The following GCSAML variants were observed in gnomAD, a reference collection of about 807,000 sequenced individuals.
The protein encoded by GCSAML is germinal center associated signaling and motility like.
In GCSAML, 9 loss-of-function variants were observed where a neutral mutation model predicts 13.0. The ratio of observed to expected loss-of-function variants is 0.69; its 90% CI spans 0.42 to 1.21. The LOEUF (loss-of-function observed/expected upper bound fraction) is 1.21. GCSAML is among the 50% of genes most tolerant of loss of function. The pLI, the probability that GCSAML is intolerant of heterozygous loss-of-function variation, is 0.00. For missense variants in GCSAML, 143 were observed against 153.4 expected (o/e 0.93, Z 0.36); for synonymous variants, 37 against 52.9 (o/e 0.70, Z 1.31).
At chr1:247,510,899 G>A (rs1438295898) in intron 1 of GCSAML, among the ~76,000 whole-genome samples, 3 of 152,146 alleles carry the variant, frequency 2.0e-5, no homozygotes, top group Non-Finnish European at 2.9e-5. Context: ...CATTTGCTGA[G>A]GAGTGTTTTA....
chr1:247,554,878 A>G (rs1377766432), intron 1 of GCSAML, among the ~76,000 whole-genome samples: 4 of 152,210 alleles, frequency 2.6e-5, no homozygotes, highest in Admixed American at 6.5e-5. Context: ...GAAAAAACAC[A>G]GAAGGTATAA....
Position 247,544,112 on chromosome 1 carries a change from G to C in GCSAML, c.-147-4933G>C, listed in dbSNP as rs537991504. Among the ~76,000 whole-genome samples, 5 of 152,300 alleles carry C rather than the reference G, an allele frequency of 3.3e-5. No individual in the cohort carries two copies. The East Asian group carries it at 9.6e-4, about 29-fold the overall frequency. On this transcript the variant is annotated intron_variant, in intron 2 of 5. Coordinates refer to the GCSAML transcript ENST00000366489. ...TCACTAAAAGAAACACACCAAGCAG[G>C]CTGCTGAATGAAAACTTCATGTGAG...
At position 247,526,938 on chromosome 1, in the gene GCSAML, AG is replaced by A. The variant is rs1305915724; in HGVS notation, c.-262del. 5 of 456,176 alleles carry A rather than the reference AG, an allele frequency of 1.1e-5. No homozygotes were observed. Among genetic ancestry groups the A allele is most frequent in the South Asian group, 7.8e-5 (5 of 64,320 alleles). 28.3% of individuals were successfully genotyped at this position (456,176 alleles called of 1,614,324 possible). A position where few individuals can be genotyped will look rare whatever the true frequency, so the allele number is the denominator to read the frequency against. On this transcript the variant is annotated splice_acceptor_variant, in intron 1 of 5. Transcript: ENST00000366489. LOFTEE classifies it low-confidence loss of function (5UTR_SPLICE). This position sits in a 1 kb window ranked among gnomAD's most constrained non-coding sequence, Gnocchi z 4.8. ...GAAAGGTCTTCTTTCACTTTCTTTCAGGATTTACTGCCTCAAGATGGTTATG... is the reference window on the plus strand; with the variant it reads ...GAAAGGTCTTCTTTCACTTTCTTTCAGATTTACTGCCTCAAGATGGTTATG...
At chr1:247,535,613 T>C (rs1334713720) in intron 2 of GCSAML, among the ~76,000 whole-genome samples, 1 of 152,214 alleles carries the variant, frequency 6.6e-6, no homozygotes, top group Non-Finnish European at 1.5e-5. Flanking sequence ...GTGTAAATGA[T>C]GCTGAGAGGA....
At chr1:247,565,025 A>T (rs1213285679) in intron 3 of GCSAML, among the ~76,000 whole-genome samples, 2 of 152,206 alleles carry the variant, frequency 1.3e-5, no homozygotes, top group Admixed American at 6.5e-5. Flanking sequence ...ATGAGATCTA[A>T]TTAAACTAAA....
At chr1:247,515,082 C>G (rs1026947172) in intron 1 of GCSAML, among the ~76,000 whole-genome samples, 1 of 152,054 alleles carries the variant, frequency 6.6e-6, no homozygotes, top group Non-Finnish European at 1.5e-5. Context: ...TTAATTGTAC[C>G]CATCCATGAG....
At chr1:247,549,274 G>A in intron 1 of GCSAML, 54 bp downstream of exon 1, 1 of 1,492,812 alleles carries the variant, frequency 6.7e-7, no homozygotes, top group Non-Finnish European at 9.3e-7. Context: ...ACAGAGATAA[G>A]GAGGCTGGAC....
chr1:247,572,473 C>A (rs1218638741), intron 4 of GCSAML, among the ~76,000 whole-genome samples: 1 of 152,184 alleles, frequency 6.6e-6, no homozygotes, highest in Non-Finnish European at 1.5e-5. Context: ...TTCTGCAGGT[C>A]TGCTGGAGTT....
chr1:247,550,649 A>C (rs1558252254), intron 1 of GCSAML, among the ~76,000 whole-genome samples: 1 of 139,816 alleles, frequency 7.2e-6, no homozygotes, highest in Admixed American at 6.8e-5. Context: ...ATAAACAAAC[A>C]AACAAAAAAA....
At chr1:247,551,852 C>A (rs1667789171) in intron 1 of GCSAML, among the ~76,000 whole-genome samples, 1 of 152,156 alleles carries the variant, frequency 6.6e-6, no homozygotes, top group Non-Finnish European at 1.5e-5. Context: ...AGTGGAAAAT[C>A]CCAGCAAGTC....
At chr1:247,564,714 C>T (rs1312314235) in intron 3 of GCSAML, among the ~76,000 whole-genome samples, 1 of 152,116 alleles carries the variant, frequency 6.6e-6, no homozygotes, top group African/African-American at 2.4e-5. Flanking sequence ...GATCTATTCC[C>T]TTAGCAAATT....
intron 4 of GCSAML, among the ~76,000 whole-genome samples, chr1:247,569,465 A>G (rs1572377152): frequency 6.6e-6 from 1 of 152,164 alleles, no homozygotes; most frequent in South Asian, 2.1e-4. Context: ...TGAGATATTC[A>G]TGTGGTTTTT....
At chr1:247,544,686 C>A (rs1216707517), upstream of GCSAML, among the ~76,000 whole-genome samples, 1 of 150,980 alleles carries the variant, frequency 6.6e-6, no homozygotes, top group East Asian at 1.9e-4. Flanking sequence ...CTGTCTCTAC[C>A]AAAAAAAACA....
In GCSAML at chr1:247,574,351, A is replaced by G. The variant is rs200343435; in HGVS notation, c.377A>G (p.Glu126Gly). The G allele has an allele frequency of 2.6e-4, 413 of 1,613,956 alleles. No individual in the cohort carries two copies. The highest frequency in any genetic ancestry group is 2.7e-4 in the Non-Finnish European group (320 of 1,179,998). The change falls in exon 5 of 5, where the codon GAG (glutamate) becomes GGG (glycine). Residue 126 changes from glutamate (E) to glycine (G), a missense_variant. Glu to Gly is a moderately conservative substitution (Grantham distance 98, BLOSUM62 -2). Coordinates refer to ENST00000366488, the MANE Select transcript of GCSAML (RefSeq NM_145278.5). ...SVSRPCSCTHEHDYEVVFPH is the reference protein window; with the variant it reads ...SVSRPCSCTHGHDYEVVFPH ...AGTAGGCCTTGTTCCTGCACCCATG[A>G]GCATGATTATGAAGTTGTGTTTCCA... is the stretch of plus-strand genomic sequence containing the variant.
chr1:247,509,000 C>T (rs1377417803), intron 1 of GCSAML, among the ~76,000 whole-genome samples: 2 of 151,950 alleles, frequency 1.3e-5, no homozygotes, highest in Non-Finnish European at 2.9e-5. Context: ...TTTTTTGGTT[C>T]CATCTGAATT....
chr1:247,545,431 A>G (rs1667536947), upstream of GCSAML, among the ~76,000 whole-genome samples: 1 of 152,242 alleles, frequency 6.6e-6, no homozygotes, highest in South Asian at 2.1e-4. Flanking sequence ...AAGAATATTA[A>G]CTGTAGCATT....
chr1:247,549,081 C>T (rs772753378), upstream of GCSAML: 6 of 1,609,254 alleles, frequency 3.7e-6, no homozygotes, highest in Middle Eastern at 6.6e-4. Context: ...AGCACGAACC[C>T]GTGGTCAGAT....
chr1:247,572,211 A>G (rs1395225458), intron 4 of GCSAML, among the ~76,000 whole-genome samples: 1 of 152,124 alleles, frequency 6.6e-6, no homozygotes, highest in Admixed American at 6.5e-5. Context: ...TCAATTTGAC[A>G]TACTCATTTT....
intron 1 of GCSAML, among the ~76,000 whole-genome samples, chr1:247,522,473 A>G (rs1049189885): frequency 2.0e-5 from 2 of 100,560 alleles, no homozygotes; most frequent in African/African-American, 5.7e-5. Flanking sequence ...TTGAATAGAA[A>G]AGGGGGAAAT....
Sources: allele counts gnomAD v4.1 joint callset (sites outside exome capture counted in the v4.1 genomes callset), GRCh38; gene constraint gnomAD v4.1.1; non-coding constraint Gnocchi (gnomAD v3.1); transcripts MANE v1.5; gene names NCBI Gene and HGNC (gene_info 2026-07-23, HGNC 2026-07-21).